Variants in SYNE2 observed in about 807,000 individuals in gnomAD.
The protein encoded by SYNE2 is spectrin repeat containing nuclear envelope protein 2.
In SYNE2, 431 loss-of-function variants were observed where a neutral mutation model predicts 856.3. That is an observed-to-expected ratio of 0.50 (90% CI 0.47 to 0.55). The LOEUF is 0.55. Among genes scored for constraint, SYNE2 ranks in the 20% least tolerant of loss-of-function variants. SYNE2 has a pLI of 0.00. For synonymous variants in SYNE2, 2,923 were observed against 2,872.3 expected (o/e 1.02, Z -0.56); for missense variants, 8,129 against 8,023.2 (o/e 1.01, Z -0.50).
At chr14:63,957,209 T>G (rs2096251635) in intron 8 of SYNE2, among the ~76,000 whole-genome samples, 1 of 150,924 alleles carries the variant, frequency 6.6e-6, no homozygotes, top group African/African-American at 2.4e-5. Context: ...GCGATTCTTG[T>G]GCCTCAGCCT....
chr14:63,981,046 A>G lies in SYNE2; in HGVS notation c.1709A>G (p.Tyr570Cys), dbSNP rs745764957. 3 of 1,583,588 alleles carry G rather than the reference A, an allele frequency of 1.9e-6. No individual in the cohort carries two copies. Among genetic ancestry groups the G allele is most frequent in the Admixed American group, 1.7e-5 (1 of 59,948 alleles). ...YMMVKSDVCMYRKNIYNVKST... is the reference protein window; with the variant it reads ...YMMVKSDVCMCRKNIYNVKST... ...ATGGTGAAATCTGATGTTTGTATGTATAGAAAAAATATATATAATGTGAAG... is the reference window on the plus strand; with the variant it reads ...ATGGTGAAATCTGATGTTTGTATGTGTAGAAAAAATATATATAATGTGAAG... The change falls in exon 16 of 116, where the codon TAT becomes TGT. Residue 570 changes from tyrosine to cysteine, a missense_variant. Tyr to Cys is a radical substitution (Grantham distance 194, BLOSUM62 -2). Around this residue, in one of 3 missense-constraint regions of SYNE2, gnomAD observed 2,422 missense variants for 2,357.4 expected, o/e 1.03. Coordinates refer to ENST00000555002, the MANE Select transcript of SYNE2 (RefSeq NM_182914.3).
intron 2 of SYNE2, 72 bp downstream of exon 2, chr14:63,909,299 C>A: frequency 9.9e-7 from 1 of 1,013,588 alleles, no homozygotes; most frequent in Non-Finnish European, 1.6e-6. Flanking sequence ...TTGCAAGTCA[C>A]ACTGATTTTC....
intron 18 of SYNE2, among the ~76,000 whole-genome samples, chr14:63,984,542 A>G (rs1271252424): frequency 6.6e-6 from 1 of 152,160 alleles, no homozygotes; most frequent in African/African-American, 2.4e-5. Flanking sequence ...TTTCTGTAAA[A>G]TGGGGGAAAA....
At chr14:64,076,838 A>G (rs1227142112) in intron 54 of SYNE2, among the ~76,000 whole-genome samples, 2 of 151,530 alleles carry the variant, frequency 1.3e-5, no homozygotes, top group South Asian at 2.1e-4. Flanking sequence ...TTGCTAGAAT[A>G]TGTCATTAAT....
intron 94 of SYNE2, among the ~76,000 whole-genome samples, chr14:64,171,552 G>C (rs2098410784): frequency 6.6e-6 from 1 of 152,152 alleles, no homozygotes; most frequent in Admixed American, 6.5e-5. Context: ...TTTAACCTGG[G>C]ACTGAATGAT....
chr14:63,991,013 G>A lies in SYNE2; in HGVS notation c.2544G>A (p.Leu848=). The A allele has an allele frequency of 6.2e-7, 1 of 1,614,156 alleles. No individual in the cohort carries two copies. Among genetic ancestry groups the A allele is most frequent in the Non-Finnish European group, 8.5e-7 (1 of 1,179,992 alleles). ...TTTCACCAGATTTGGACATCAGGCT[G>A]AAGATGGAAGAATCCCAGAAGGAAC... ...TDVSPDLDIR[L]KMEESQKELE... Residue 848 remains leucine, a synonymous_variant, in exon 21 of 116, where the codon CTG becomes CTA. Transcript: ENST00000555002.
chr14:63,795,278 A>G (rs1248830886), intron 1 of SYNE2, among the ~76,000 whole-genome samples: 1 of 151,932 alleles, frequency 6.6e-6, no homozygotes, highest in Non-Finnish European at 1.5e-5. Context: ...GCCAGCGTGG[A>G]TAGAATATAA....
In SYNE2 at chr14:64,073,845, G is replaced by A. The variant is rs1289615111; in HGVS notation, c.10698-123G>A. 12 of 1,077,956 alleles carry A rather than the reference G, an allele frequency of 1.1e-5. No homozygotes were observed. The East Asian group carries it at 2.9e-4, about 26-fold the overall frequency. The allele number at this position is 1,077,956 out of a possible 1,614,324, so 66.8% of individuals were successfully genotyped here. A position where few individuals can be genotyped will look rare whatever the true frequency, so the allele number is the denominator to read the frequency against. ...TTGAAAATTGTTACTTTTTTTCTTA[G>A]AGGAAATAACCATCCTTTAGTAGCT... On this transcript the variant is annotated intron_variant, in intron 52 of 115. Coordinates refer to ENST00000555002, the MANE Select transcript of SYNE2 (RefSeq NM_182914.3).
At chr14:64,206,657 C>T (rs2098606793) in intron 100 of SYNE2, among the ~76,000 whole-genome samples, 1 of 149,826 alleles carries the variant, frequency 6.7e-6, no homozygotes, top group African/African-American at 2.5e-5. Flanking sequence ...AATCAGTTTT[C>T]TTTAGCCATT....
chr14:63,839,591 A>T (rs1426024212), intron 1 of SYNE2, among the ~76,000 whole-genome samples: 1 of 152,106 alleles, frequency 6.6e-6, no homozygotes, highest in Admixed American at 6.6e-5. Flanking sequence ...GCTACTTGAG[A>T]GACTGAGGTG....
chr14:64,040,231 T>C (rs2097137295), intron 45 of SYNE2, among the ~76,000 whole-genome samples: 1 of 152,090 alleles, frequency 6.6e-6, no homozygotes, highest in South Asian at 2.1e-4. Flanking sequence ...AGGAACACTC[T>C]ACCACAAGGA....
intron 8 of SYNE2, among the ~76,000 whole-genome samples, chr14:63,959,847 A>G (rs563637579): frequency 6.6e-6 from 1 of 152,164 alleles, no homozygotes; most frequent in African/African-American, 2.4e-5. Flanking sequence ...TATTATTAGT[A>G]TAAAATATTT....
chr14:63,800,532 C>T (rs111515198), intron 1 of SYNE2, among the ~76,000 whole-genome samples: 23 of 152,296 alleles, frequency 1.5e-4, no homozygotes, highest in African/African-American at 4.8e-4. Flanking sequence ...TCAACTGATC[C>T]GCCTGCCTTG....
chr14:64,105,811 G>A (rs1399544461), intron 64 of SYNE2, among the ~76,000 whole-genome samples: 1 of 152,106 alleles, frequency 6.6e-6, no homozygotes, highest in Non-Finnish European at 1.5e-5. Flanking sequence ...TGTAATCCTA[G>A]CACTTTGGGA....
At chr14:63,857,201 C>T (rs1033843251) in intron 1 of SYNE2, among the ~76,000 whole-genome samples, 2 of 152,236 alleles carry the variant, frequency 1.3e-5, no homozygotes, top group Non-Finnish European at 1.5e-5. Flanking sequence ...GATTAGTTTG[C>T]GTTTTTTAGA....
At chr14:64,037,720 G>A (rs1223933923) in intron 45 of SYNE2, among the ~76,000 whole-genome samples, 57 of 16,894 alleles carry the variant, frequency 3.4e-3, no homozygotes, top group African/African-American at 5.6e-3. Flanking sequence ...GGGCAGAGGC[G>A]CCCCGCACCT....
rs776380039 is a variant in SYNE2 at position 64,165,276 on chromosome 14, T to G, written c.16480-9T>G. 2.0e-5 allele frequency: 32 copies of G among 1,613,064 alleles called. No homozygotes were observed. The highest frequency in any genetic ancestry group is 2.7e-5 in the Non-Finnish European group (32 of 1,179,242). On this transcript the variant is annotated splice_polypyrimidine_tract_variant and intron_variant, in intron 89 of 115. Coordinates refer to ENST00000555002, the MANE Select transcript of SYNE2 (RefSeq NM_182914.3). ...AAATAGTTTCTAATGAAAATTTCTC[T>G]TGTTCTAGTTTGTTCTCTCACAGTT...
chr14:63,990,381 T>C (rs1455508202), intron 19 of SYNE2, 30 bp from the exon 20 acceptor site: 3 of 1,605,728 alleles, frequency 1.9e-6, no homozygotes, highest in Non-Finnish European at 2.6e-6. Flanking sequence ...AGAATGTTTA[T>C]TGTGATCTCA....
rs183133111 is a variant in SYNE2 at position 64,079,271 on chromosome 14, A to C, written c.11163+665A>C. On this transcript the variant is annotated intron_variant, in intron 55 of 115. Coordinates refer to ENST00000555002, the MANE Select transcript of SYNE2 (RefSeq NM_182914.3). ...AAGGTTAAATAAAAATAAAAATTCC[A>C]AATTTATTTCCCTTGTAAAATATCT... 9.0e-3 allele frequency among the ~76,000 whole-genome samples: 1,374 copies of C among 152,344 alleles called. 17 individuals carry two copies. The highest frequency in any genetic ancestry group is 0.031 in the Admixed American group (468 of 15,310).
Sources: allele counts gnomAD v4.1 joint callset (sites outside exome capture counted in the v4.1 genomes callset), GRCh38; gene constraint gnomAD v4.1.1; regional missense constraint gnomAD v4.1.1; transcripts MANE v1.5; gene names NCBI Gene and HGNC (gene_info 2026-07-23, HGNC 2026-07-21).